CRACD: variants seen among roughly 807,000 people sequenced by gnomAD.
CRACD encodes the protein capping protein-inhibiting regulator of actin dynamics.
Under a neutral mutation model 106.8 loss-of-function variants are expected in CRACD, and 56 were observed. The ratio of observed to expected loss-of-function variants is 0.52; its 90% confidence interval spans 0.42 to 0.66. The LOEUF is 0.66. CRACD is among the 30% of genes least tolerant of loss of function. CRACD has a pLI of 0.00. For missense variants in CRACD, 1,730 were observed against 1,623.2 expected (o/e 1.07, Z -1.13); for synonymous variants, 754 against 670.8 (o/e 1.12, Z -1.92).
At chr4:56,235,616 G>C (rs1393746129) in intron 2 of CRACD, among the ~76,000 whole-genome samples, 1 of 152,178 alleles carries the variant, frequency 6.6e-6, no homozygotes, top group Non-Finnish European at 1.5e-5. Context: ...TACGCTACAT[G>C]CTCAGAGTAG....
intron 1 of CRACD, among the ~76,000 whole-genome samples, chr4:56,143,352 A>G (rs1029735092): frequency 1.3e-5 from 2 of 152,068 alleles, no homozygotes; most frequent in African/African-American, 4.8e-5. Flanking sequence ...TTTTTCTCCA[A>G]TACTTTTACT....
chr4:56,297,574 G>C (rs1046923992), intron 3 of CRACD, among the ~76,000 whole-genome samples: 1 of 152,030 alleles, frequency 6.6e-6, no homozygotes, highest in Admixed American at 6.5e-5. Context: ...ATAAAACCTT[G>C]TCTCTAAAAA....
Position 56,315,171 on chromosome 4 carries a change from C to G in CRACD, c.1669C>G (p.Pro557Ala). The change falls in exon 8 of 11, where the codon CCC becomes GCC. Residue 557 changes from proline (P) to alanine (A), a missense_variant. Around this residue, in one of 5 missense-constraint regions of CRACD, gnomAD observed 1,620 missense variants for 1,481.6 expected, o/e 1.09. Transcript: ENST00000682029. This position sits in a 1 kb window ranked among gnomAD's most constrained non-coding sequence, Gnocchi z 4.1. Reference sequence around the variant, plus strand: ...TCTCTTTCCCAAAGTCAACCTGAGCCCCGTGACGCCCGCAAAGGACACGGG... The same window carrying G: ...TCTCTTTCCCAAAGTCAACCTGAGCGCCGTGACGCCCGCAAAGGACACGGG... The part of the protein sequence containing the change: ...QILFPKVNLS[P>A]VTPAKDTGLT... 1 of 1,598,796 alleles carries G rather than the reference C, an allele frequency of 6.3e-7. No homozygotes were observed. Among genetic ancestry groups the G allele is most frequent in the Non-Finnish European group, 8.5e-7 (1 of 1,173,350 alleles).
At chr4:56,119,406 C>T (rs578039579) in intron 1 of CRACD, among the ~76,000 whole-genome samples, 2 of 152,082 alleles carry the variant, frequency 1.3e-5, no homozygotes, top group African/African-American at 4.8e-5. Context: ...TCATGGCTCA[C>T]TGTAGCCTCC....
intron 1 of CRACD, among the ~76,000 whole-genome samples, chr4:56,077,631 C>T (rs1424653194): frequency 1.3e-5 from 2 of 152,180 alleles, no homozygotes; most frequent in Non-Finnish European, 2.9e-5. Flanking sequence ...TTTGATATAA[C>T]ATGAACTTAA....
intron 1 of CRACD, among the ~76,000 whole-genome samples, chr4:56,176,347 G>C (rs1299785093): frequency 6.6e-6 from 1 of 151,570 alleles, no homozygotes; most frequent in African/African-American, 2.4e-5. Flanking sequence ...GGATTCCATT[G>C]AATCTATAGA....
chr4:56,064,693 A>G (rs574031333), intron 1 of CRACD, among the ~76,000 whole-genome samples: 1 of 152,180 alleles, frequency 6.6e-6, no homozygotes, highest in East Asian at 1.9e-4. Flanking sequence ...ATACTCCTTG[A>G]TCTTACTCCC....
intron 2 of CRACD, among the ~76,000 whole-genome samples, chr4:56,198,258 TAAGAA>T (rs1737714819): frequency 6.6e-6 from 1 of 152,200 alleles, no homozygotes; most frequent in African/African-American, 2.4e-5. Context: ...CTTTGAAATA[TAAGAA>T]AATGTGCAGC....
At chr4:56,148,651 T>C (rs570491627) in intron 1 of CRACD, among the ~76,000 whole-genome samples, 2 of 152,342 alleles carry the variant, frequency 1.3e-5, no homozygotes, top group South Asian at 4.1e-4. Flanking sequence ...CAACTTTTTA[T>C]ATTTGTTACT....
At chr4:56,284,595 G>T (rs1356437868) in intron 3 of CRACD, among the ~76,000 whole-genome samples, 2 of 151,980 alleles carry the variant, frequency 1.3e-5, no homozygotes, top group Non-Finnish European at 2.9e-5. Context: ...CGTGGTGGTG[G>T]GTACCTGTAA....
At chr4:56,274,694 A>G (rs1202354551) in intron 3 of CRACD, among the ~76,000 whole-genome samples, 1 of 152,196 alleles carries the variant, frequency 6.6e-6, no homozygotes, top group African/African-American at 2.4e-5. Context: ...TTTATAATAA[A>G]CACATCTCTT....
chr4:56,244,177 CAG>C (rs1740538646), intron 2 of CRACD, among the ~76,000 whole-genome samples: 1 of 152,104 alleles, frequency 6.6e-6, no homozygotes, highest in African/African-American at 2.4e-5. Flanking sequence ...GAGTGTGAAA[CAG>C]GGAGTAGCCC....
chr4:56,324,087 T>C lies in CRACD; in HGVS notation c.3379-17T>C. On this transcript the variant is annotated splice_polypyrimidine_tract_variant and intron_variant, in intron 9 of 10. Transcript: ENST00000682029. ...AGGTTGAAAACATGTTTCCCATGAC[T>C]GTCTCTGCCCACGCAGGTCAGTGTC... The C allele has an allele frequency of 6.3e-7, 1 of 1,592,400 alleles. No individual in the cohort carries two copies. The highest frequency in any genetic ancestry group is 8.6e-7 in the Non-Finnish European group (1 of 1,168,162).
At chr4:56,177,378 T>C (rs930719320) in intron 1 of CRACD, among the ~76,000 whole-genome samples, 1 of 152,246 alleles carries the variant, frequency 6.6e-6, no homozygotes, top group Non-Finnish European at 1.5e-5. Flanking sequence ...TTGTGTATGT[T>C]GAACCATTTT....
At chr4:56,263,389 G>A (rs1741819933) in intron 2 of CRACD, among the ~76,000 whole-genome samples, 1 of 152,192 alleles carries the variant, frequency 6.6e-6, no homozygotes, top group Admixed American at 6.5e-5. Flanking sequence ...AAGTACCACA[G>A]ACTAGGTGGC....
At chr4:56,050,662 T>C (rs1348010366) in intron 1 of CRACD, among the ~76,000 whole-genome samples, 1 of 152,062 alleles carries the variant, frequency 6.6e-6, no homozygotes, top group Non-Finnish European at 1.5e-5. Context: ...AAATTGCCTA[T>C]ATGAAAAAAA....
In CRACD at chr4:56,314,546, G is replaced by C; in HGVS notation, c.1044G>C (p.Glu348Asp). 4 of 1,507,844 alleles carry C rather than the reference G, an allele frequency of 2.7e-6. No individual in the cohort carries two copies. The highest frequency in any genetic ancestry group is 1.8e-6 in the Non-Finnish European group (2 of 1,131,520). The allele number at this position is 1,507,844 out of a possible 1,614,324, so 93.4% of individuals were successfully genotyped here. ...GGCTGGAGGAGCGGAGGCGGCAGGA[G>C]GAGGAGGAAGGAAGATGCGCGGAGG... ...DARLEERRRQEEEEGRCAEEL... is the reference protein window; with the variant it reads ...DARLEERRRQDEEEGRCAEEL... The change falls in exon 8 of 11, where the codon GAG (glutamate) becomes GAC (aspartate). Residue 348 changes from glutamate to aspartate, a missense_variant. By Grantham distance (45) the Glu-to-Asp change is conservative. Around this residue, in one of 5 missense-constraint regions of CRACD, gnomAD observed 1,620 missense variants for 1,481.6 expected, o/e 1.09. Coordinates refer to ENST00000682029, the MANE Select transcript of CRACD (RefSeq NM_001393381.1). The surrounding 1 kb of genome is among the most constrained non-coding windows in gnomAD (Gnocchi z 4.4).
At chr4:56,141,500 A>G (rs1048287068) in intron 1 of CRACD, among the ~76,000 whole-genome samples, 1 of 151,842 alleles carries the variant, frequency 6.6e-6, no homozygotes, top group Non-Finnish European at 1.5e-5. Flanking sequence ...GGGAAGCTGA[A>G]GTAGGAGAAT....
At chr4:56,157,465 G>T (rs1045408256) in intron 1 of CRACD, among the ~76,000 whole-genome samples, 7 of 152,084 alleles carry the variant, frequency 4.6e-5, no homozygotes, top group African/African-American at 1.7e-4. Flanking sequence ...GTGAATGAAT[G>T]GATGAGGGTC....
Sources: gnomAD v4.1 joint callset for allele counts (sites outside exome capture counted in the v4.1 genomes callset) on GRCh38, gnomAD v4.1.1 for gene constraint, gnomAD v4.1.1 regional missense constraint, Gnocchi (gnomAD v3.1) non-coding constraint, MANE v1.5 for transcripts, NCBI Gene and HGNC (gene_info 2026-07-23, HGNC 2026-07-21) for gene names.